The following PUS7 variants were observed in gnomAD, a reference collection of about 807,000 sequenced individuals.
PUS7 encodes the protein pseudouridine synthase 7.
In PUS7, 48 loss-of-function variants were observed where a neutral mutation model predicts 79.8. The observed-to-expected ratio is 0.60, with a 90% confidence interval of 0.48 to 0.76. The LOEUF is 0.76. Ranked by LOEUF, PUS7 falls within the 30% of genes least tolerant of loss-of-function variation. PUS7 has a pLI of 0.00. For missense variants in PUS7, 729 were observed against 797.6 expected, an observed-to-expected ratio of 0.91 and a Z score of 1.04; for synonymous variants, 286 against 272.2, an observed-to-expected ratio of 1.05 and a Z score of -0.50.
intron 9 of PUS7, among the ~76,000 whole-genome samples, chr7:105,472,960 A>C (rs2133086933): frequency 1.6e-5 from 2 of 127,080 alleles, no homozygotes; most frequent in African/African-American, 6.1e-5. Flanking sequence ...ATGGGGTTTC[A>C]CCATATTGGT....
At chr7:105,513,484 G>T (rs927565275) in intron 1 of PUS7, among the ~76,000 whole-genome samples, 6 of 152,218 alleles carry the variant, frequency 3.9e-5, no homozygotes, top group African/African-American at 1.4e-4. Flanking sequence ...TTGGCCAAAG[G>T]TCTGTAATAG....
At chr7:105,477,128 C>G (rs73415578) in intron 9 of PUS7, among the ~76,000 whole-genome samples, 9,589 of 152,196 alleles carry the variant, frequency 0.063, 472 homozygotes, top group African/African-American at 0.13. Context: ...TGCTTTTGGT[C>G]TCATATCCAA....
chr7:105,514,753 T>G (rs1825828543), intron 1 of PUS7, among the ~76,000 whole-genome samples: 1 of 152,198 alleles, frequency 6.6e-6, no homozygotes, highest in Non-Finnish European at 1.5e-5. Context: ...ATTAGCTTAC[T>G]TTCATTTTTC....
intron 1 of PUS7, among the ~76,000 whole-genome samples, chr7:105,510,796 T>C (rs1430979618): frequency 6.6e-6 from 1 of 152,170 alleles, no homozygotes; most frequent in African/African-American, 2.4e-5. Context: ...ATTTCAGGCA[T>C]GAGCCACCGT....
chr7:105,464,985 A>AG (rs1404993551), intron 13 of PUS7, among the ~76,000 whole-genome samples: 1 of 151,850 alleles, frequency 6.6e-6, no homozygotes, highest in African/African-American at 2.4e-5. Context: ...GGCCCAGCTA[A>AG]TTTTTGTATT....
At chr7:105,483,426 A>C (rs1223670576) in intron 7 of PUS7, among the ~76,000 whole-genome samples, 1 of 148,038 alleles carries the variant, frequency 6.8e-6, no homozygotes, top group African/African-American at 2.5e-5. Context: ...CGGCCTCCCA[A>C]AGTGCTGAGA....
chr7:105,511,063 G>A (rs1206869684), intron 1 of PUS7, among the ~76,000 whole-genome samples: 1 of 151,074 alleles, frequency 6.6e-6, no homozygotes, highest in South Asian at 2.1e-4. Context: ...ACGGAGTCTC[G>A]CTCTGTCGCC....
intron 10 of PUS7, among the ~76,000 whole-genome samples, chr7:105,471,366 A>G (rs1038718271): frequency 1.3e-5 from 2 of 152,182 alleles, no homozygotes; most frequent in Non-Finnish European, 2.9e-5. Context: ...AAGTTTTTAT[A>G]TTCCATTACA....
chr7:105,497,075 C>T, intron 5 of PUS7: 1 of 852,492 alleles, frequency 1.2e-6, no homozygotes, highest in Non-Finnish European at 1.5e-6. Flanking sequence ...GTTAAGTTTA[C>T]ACTGAGGACT....
intron 5 of PUS7, among the ~76,000 whole-genome samples, chr7:105,496,154 G>A (rs535419426): frequency 2.2e-3 from 282 of 128,408 alleles, no homozygotes; most frequent in South Asian, 6.3e-3. Context: ...GCGAGACTCC[G>A]TCTCAAAAAA....
intron 14 of PUS7, among the ~76,000 whole-genome samples, chr7:105,460,840 C>G (rs991169962): frequency 1.9e-5 from 2 of 103,510 alleles, no homozygotes; most frequent in Non-Finnish European, 1.8e-5. Flanking sequence ...GGCGACAGAG[C>G]GAGACTCCGT....
chr7:105,518,560 C>T (rs2133303469), intron 1 of PUS7, among the ~76,000 whole-genome samples: 1 of 151,974 alleles, frequency 6.6e-6, no homozygotes, highest in East Asian at 2.0e-4. Flanking sequence ...TGCCACCATG[C>T]CCAGTTAATT....
intron 2 of PUS7, among the ~76,000 whole-genome samples, chr7:105,507,886 G>A (rs375528962): frequency 1.3e-5 from 2 of 151,976 alleles, no homozygotes; most frequent in African/African-American, 4.8e-5. Context: ...ATGCCAGCCT[G>A]GGTGACAGAG....
Position 105,462,831 on chromosome 7 carries a change from A to G in PUS7, c.1628-81T>C, listed in dbSNP as rs1823490810. The G allele has an allele frequency of 3.7e-6, 5 of 1,345,686 alleles. No homozygotes were observed. The East Asian group carries it at 7.0e-5, about 19-fold the overall frequency. The allele number at this position is 1,345,686 out of a possible 1,614,324, so 83.4% of individuals were successfully genotyped here. On this transcript the variant is annotated intron_variant, in intron 13 of 15. Transcript: ENST00000469408. ...GAACTAGATTATAAAGAGAGTAACA[A>G]TGTAAGTTCAGTTAGACTGCCCTAA...
chr7:105,471,493 G>T (rs1414052562), intron 10 of PUS7, among the ~76,000 whole-genome samples: 1 of 152,190 alleles, frequency 6.6e-6, no homozygotes, highest in Non-Finnish European at 1.5e-5. Flanking sequence ...ATTGAGTTAT[G>T]AATTAATACA....
At chr7:105,481,203 G>GA (rs1586123787) in intron 8 of PUS7, 26 bp from the exon 9 acceptor site, 1 of 1,588,584 alleles carries the variant, frequency 6.3e-7, no homozygotes, top group Non-Finnish European at 8.5e-7. Flanking sequence ...TTATCCAGAG[G>GA]AAAAAAAGTT....
chr7:105,482,290 A>C, intron 8 of PUS7, 22 bp downstream of exon 8: 1 of 1,610,878 alleles, frequency 6.2e-7, no homozygotes. Context: ...TCTGGTCTAC[A>C]TTCCCACCTG....
chr7:105,512,393 T>C (rs544155198), intron 1 of PUS7, among the ~76,000 whole-genome samples: 2 of 152,238 alleles, frequency 1.3e-5, no homozygotes, highest in Non-Finnish European at 2.9e-5. Flanking sequence ...CTCAGAGGTT[T>C]TGTACAAATG....
At chr7:105,485,516 G>C (rs559379867) in intron 7 of PUS7, among the ~76,000 whole-genome samples, 1 of 152,182 alleles carries the variant, frequency 6.6e-6, no homozygotes, top group East Asian at 1.9e-4. Context: ...GGCCTAAGTA[G>C]AGTCCTTTTA....
Sources: allele counts gnomAD v4.1 joint callset (sites outside exome capture counted in the v4.1 genomes callset), GRCh38; gene constraint gnomAD v4.1.1; transcripts MANE v1.5; gene names NCBI Gene and HGNC (gene_info 2026-07-23, HGNC 2026-07-21).